CTNNA3: variants seen among roughly 807,000 people sequenced by gnomAD.
CTNNA3 encodes catenin alpha-3.
A neutral mutation model predicts 95.7 loss-of-function variants in CTNNA3; 76 were observed. The ratio of observed to expected loss-of-function variants is 0.79; its 90% CI spans 0.66 to 0.96. The LOEUF (loss-of-function observed/expected upper bound fraction) is 0.96. Ranked by LOEUF, CTNNA3 falls within the 40% of genes least tolerant of loss-of-function variation. The pLI is 0.00. For missense variants in CTNNA3, 1,191 were observed against 1,089.8 expected (o/e 1.09, Z -1.31); for synonymous variants, 431 against 374.4 (o/e 1.15, Z -1.74).
chr10:67,568,237 T>TC (rs1841873603), intron 3 of CTNNA3, among the ~76,000 whole-genome samples: 1 of 151,880 alleles, frequency 6.6e-6, no homozygotes, highest in Non-Finnish European at 1.5e-5. Context: ...AGACTGTTTT[T>TC]TTTTTTGCAG....
intron 5 of CTNNA3, among the ~76,000 whole-genome samples, chr10:67,345,325 T>C (rs1842369138): frequency 6.6e-6 from 1 of 152,172 alleles, no homozygotes; most frequent in Non-Finnish European, 1.5e-5. Flanking sequence ...GGATGACATG[T>C]TCTGTAAATA....
chr10:66,637,033 A>G (rs897168642), intron 9 of CTNNA3, among the ~76,000 whole-genome samples: 14 of 152,336 alleles, frequency 9.2e-5, no homozygotes, highest in Middle Eastern at 3.4e-3. Context: ...CTATATATCA[A>G]TTGAATTGTT....
chr10:66,849,203 T>C (rs1448783185), intron 7 of CTNNA3, among the ~76,000 whole-genome samples: 1 of 152,202 alleles, frequency 6.6e-6, no homozygotes, highest in Non-Finnish European at 1.5e-5. Flanking sequence ...TTTGTAATGC[T>C]TTGGTGGAGT....
At chr10:66,344,610 A>C (rs2092487146) in intron 12 of CTNNA3, among the ~76,000 whole-genome samples, 1 of 152,130 alleles carries the variant, frequency 6.6e-6, no homozygotes, top group Non-Finnish European at 1.5e-5. Flanking sequence ...AAAATCAAAA[A>C]TTGAAATTCC....
intron 12 of CTNNA3, among the ~76,000 whole-genome samples, chr10:66,360,611 CTT>C (rs1326363867): frequency 2.1e-4 from 5 of 23,448 alleles, no homozygotes; most frequent in East Asian, 4.0e-3. Flanking sequence ...TTCTTTCTTT[CTT>C]TCTTTCTTTC....
At chr10:67,453,745 G>C (rs571836803) in intron 5 of CTNNA3, among the ~76,000 whole-genome samples, 5 of 152,290 alleles carry the variant, frequency 3.3e-5, no homozygotes, top group East Asian at 1.9e-4. Flanking sequence ...CCCAGGCTTT[G>C]TTGTGAATAA....
intron 10 of CTNNA3, among the ~76,000 whole-genome samples, chr10:66,549,789 G>C (rs941893841): frequency 6.6e-6 from 1 of 152,084 alleles, no homozygotes; most frequent in African/African-American, 2.4e-5. Flanking sequence ...TGTTTTCTTA[G>C]ATATCTACTT....
intron 2 of CTNNA3, among the ~76,000 whole-genome samples, chr10:67,639,915 A>C (rs1198307170): frequency 6.6e-6 from 1 of 152,192 alleles, no homozygotes; most frequent in Non-Finnish European, 1.5e-5. Flanking sequence ...GAATGGGCAA[A>C]AACTGGAAGA....
chr10:66,318,384 G>A (rs1444237206), intron 12 of CTNNA3, among the ~76,000 whole-genome samples: 3 of 151,478 alleles, frequency 2.0e-5, no homozygotes, highest in African/African-American at 7.3e-5. Context: ...GTGGTCAATA[G>A]TAATCTCTCC....
At chr10:67,070,159 C>T (rs1856360947) in intron 7 of CTNNA3, among the ~76,000 whole-genome samples, 1 of 152,054 alleles carries the variant, frequency 6.6e-6, no homozygotes, top group Non-Finnish European at 1.5e-5. Context: ...AAGTTAAGTT[C>T]TTTTTCACAC....
intron 7 of CTNNA3, among the ~76,000 whole-genome samples, chr10:66,803,828 T>A (rs1841531009): frequency 6.6e-6 from 1 of 152,092 alleles, no homozygotes; most frequent in Non-Finnish European, 1.5e-5. Context: ...TAGGATTAAC[T>A]ACCTCTTAAA....
intron 5 of CTNNA3, among the ~76,000 whole-genome samples, chr10:67,413,380 C>T (rs546361696): frequency 2.6e-5 from 4 of 152,092 alleles, no homozygotes; most frequent in South Asian, 4.2e-4. Flanking sequence ...GGATACAGTC[C>T]GACAAGAAGC....
At chr10:66,749,640 T>G (rs1281259796) in intron 9 of CTNNA3, among the ~76,000 whole-genome samples, 1 of 152,230 alleles carries the variant, frequency 6.6e-6, no homozygotes, top group Non-Finnish European at 1.5e-5. Flanking sequence ...GCTTTCATGT[T>G]TTGGCAATTA....
chr10:67,338,894 A>G (rs1842085018), intron 5 of CTNNA3, among the ~76,000 whole-genome samples: 1 of 152,196 alleles, frequency 6.6e-6, no homozygotes, highest in Non-Finnish European at 1.5e-5. Flanking sequence ...CAAGCAACCT[A>G]TTCTTCAACC....
chr10:66,331,338 GTTTGTTTT>G, intron 12 of CTNNA3, among the ~76,000 whole-genome samples: 1 of 39,116 alleles, frequency 2.6e-5, no homozygotes, highest in African/African-American at 7.2e-5. Context: ...TTTCCCCATT[GTTTGTTTT>G]TTTTTTTTTT....
rs573080762 is a variant in CTNNA3, at chr10:67,560,511, C to T, written c.293-20842G>A. Among the ~76,000 whole-genome samples the T allele has an allele frequency of 5.3e-5, 8 of 152,266 alleles. No individual in the cohort carries two copies. In the South Asian group the frequency reaches 1.0e-3, roughly 20 times the overall value. On this transcript the variant is annotated intron_variant, in intron 3 of 17. Transcript: ENST00000433211. ...AGCACTAAACATGGAAAGGAACAACCGGTACCAGCTACTGCAAAAACATGC... is the reference window on the plus strand; with the variant it reads ...AGCACTAAACATGGAAAGGAACAACTGGTACCAGCTACTGCAAAAACATGC...
intron 12 of CTNNA3, among the ~76,000 whole-genome samples, chr10:66,339,587 T>C (rs1298152018): frequency 1.3e-5 from 2 of 151,784 alleles, no homozygotes; most frequent in Admixed American, 6.6e-5. Context: ...AATTCTTATG[T>C]CCTACTTGGT....
intron 7 of CTNNA3, among the ~76,000 whole-genome samples, chr10:66,945,878 C>G (rs944076106): frequency 6.6e-6 from 1 of 152,102 alleles, no homozygotes; most frequent in South Asian, 2.1e-4. Flanking sequence ...GTCAGTGAAG[C>G]GGTCAGGACA....
chr10:67,348,670 AC>A (rs963883814), intron 5 of CTNNA3, among the ~76,000 whole-genome samples: 3 of 152,034 alleles, frequency 2.0e-5, no homozygotes, highest in African/African-American at 7.2e-5. Flanking sequence ...CAGAATGAGA[AC>A]CCACTTGTTA....
Sources: allele counts gnomAD v4.1 joint callset (sites outside exome capture counted in the v4.1 genomes callset), GRCh38; gene constraint gnomAD v4.1.1; transcripts MANE v1.5; gene names NCBI Gene and HGNC (gene_info 2026-07-23, HGNC 2026-07-21).